Variants in SLC25A24 observed in about 807,000 individuals in gnomAD.
SLC25A24 encodes mitochondrial adenyl nucleotide antiporter SLC25A24.
In SLC25A24, 49 loss-of-function variants were observed where a neutral mutation model predicts 60.7. The observed-to-expected ratio is 0.81, with a 90% CI of 0.64 to 1.02. The LOEUF is 1.02. Among genes scored for constraint, SLC25A24 ranks in the 50% least tolerant of loss-of-function variants. SLC25A24 has a pLI of 0.00. For synonymous variants in SLC25A24, 202 were observed against 200.6 expected, an observed-to-expected ratio of 1.01 and a Z score of -0.06; for missense variants, 564 against 586.3, an observed-to-expected ratio of 0.96 and a Z score of 0.39.
rs143727260 is a variant in SLC25A24, at chr1:108,168,276, C to T, written c.399-6983G>A. On this transcript the variant is annotated intron_variant, in intron 3 of 9. Transcript: ENST00000565488. ...ATCTGCATGAGAGTCCTAGTCACTACTTACATTTATAATATAACTCTGGGT... is the reference window on the plus strand; with the variant it reads ...ATCTGCATGAGAGTCCTAGTCACTATTTACATTTATAATATAACTCTGGGT... 2.0e-5 allele frequency among the ~76,000 whole-genome samples: 3 copies of T among 152,258 alleles called. No individual in the cohort carries two copies. The East Asian group carries it at 5.8e-4, about 29-fold the overall frequency.
intron 8 of SLC25A24, among the ~76,000 whole-genome samples, chr1:108,143,046 G>A (rs908216282): frequency 7.2e-5 from 11 of 152,200 alleles, no homozygotes; most frequent in Admixed American, 3.3e-4. Flanking sequence ...TTTCTTCAAG[G>A]CACACATTGA....
intron 6 of SLC25A24, among the ~76,000 whole-genome samples, chr1:108,154,709 A>G (rs1203672479): frequency 6.6e-6 from 1 of 152,186 alleles, no homozygotes; most frequent in African/African-American, 2.4e-5. Flanking sequence ...AGGATTCAGA[A>G]TGAATAAACT....
intron 8 of SLC25A24, among the ~76,000 whole-genome samples, chr1:108,142,931 G>A (rs893787979): frequency 2.6e-4 from 40 of 151,768 alleles, no homozygotes; most frequent in Admixed American, 8.5e-4. Flanking sequence ...CTTCCTCTAC[G>A]CTGTAGCTTA....
At chr1:108,177,545 A>T (rs1369525367) in intron 3 of SLC25A24, among the ~76,000 whole-genome samples, 1 of 152,226 alleles carries the variant, frequency 6.6e-6, no homozygotes, top group African/African-American at 2.4e-5. Context: ...AAATACACAC[A>T]GACTGATGGT....
At chr1:108,189,814 CAA>C (rs34977169) in intron 1 of SLC25A24, among the ~76,000 whole-genome samples, 51 of 106,472 alleles carry the variant, frequency 4.8e-4, no homozygotes, top group South Asian at 1.7e-3. Context: ...GACTCCATCT[CAA>C]AAAAAAAAAA....
At chr1:108,174,508 G>A (rs1237116179) in intron 3 of SLC25A24, among the ~76,000 whole-genome samples, 1 of 152,208 alleles carries the variant, frequency 6.6e-6, no homozygotes, top group African/African-American at 2.4e-5. Context: ...CTCCGCTAGG[G>A]CAGTGCAAAA....
Position 108,200,231 on chromosome 1 carries a change from G to C in SLC25A24, c.-93C>G. 7.9e-7 allele frequency: 1 copy of C among 1,273,034 alleles called. No individual in the cohort carries two copies. The highest frequency in any genetic ancestry group is 1.0e-6 in the Non-Finnish European group (1 of 978,778). The allele number at this position is 1,273,034 out of a possible 1,614,324, so 78.9% of individuals were successfully genotyped here. On this transcript the variant is annotated 5_prime_UTR_variant, in exon 1 of 10. Coordinates refer to ENST00000565488, the MANE Select transcript of SLC25A24 (RefSeq NM_013386.5). The stretch of plus-strand genomic sequence containing the variant: ...GGACCAGCGCGAGGCCGGGCTGGGC[G>C]GGGCGCGCGGCGCAACAGCGTTTGG...
intron 2 of SLC25A24, among the ~76,000 whole-genome samples, chr1:108,185,064 A>G (rs1648068884): frequency 6.6e-6 from 1 of 152,168 alleles, no homozygotes; most frequent in East Asian, 1.9e-4. Context: ...GCTTTTTAAG[A>G]AGAGGAAGAG....
At chr1:108,142,405 G>C (rs995309588) in intron 8 of SLC25A24, among the ~76,000 whole-genome samples, 1 of 152,140 alleles carries the variant, frequency 6.6e-6, no homozygotes, top group East Asian at 1.9e-4. Context: ...AACAAAATGT[G>C]GTATATACAC....
intron 2 of SLC25A24, among the ~76,000 whole-genome samples, chr1:108,182,649 A>G (rs1261523813): frequency 6.6e-6 from 1 of 152,102 alleles, no homozygotes; most frequent in East Asian, 1.9e-4. Flanking sequence ...TGTGGCCAAC[A>G]TGGTGAAACC....
At chr1:108,137,408 G>A (rs989403547) in intron 9 of SLC25A24, among the ~76,000 whole-genome samples, 2 of 152,174 alleles carry the variant, frequency 1.3e-5, no homozygotes, top group Non-Finnish European at 2.9e-5. Flanking sequence ...AAGAGAAAGC[G>A]AAAACCAGTG....
At chr1:108,148,806 T>A (rs1219739928) in intron 6 of SLC25A24, among the ~76,000 whole-genome samples, 2 of 152,110 alleles carry the variant, frequency 1.3e-5, no homozygotes, top group Non-Finnish European at 2.9e-5. Flanking sequence ...AACTAGACAA[T>A]CCTAGAATAC....
chr1:108,164,459 A>C (rs1315546665), intron 3 of SLC25A24, among the ~76,000 whole-genome samples: 34 of 151,694 alleles, frequency 2.2e-4, no homozygotes, highest in African/African-American at 8.0e-4. Context: ...GATTATTGCC[A>C]CAATTTCAGA....
intron 1 of SLC25A24, among the ~76,000 whole-genome samples, chr1:108,197,552 T>TA (rs1648530446): frequency 1.3e-5 from 2 of 152,336 alleles, no homozygotes; most frequent in East Asian, 3.9e-4. Context: ...CCATAAAGGT[T>TA]GACTGTGTAA....
At chr1:108,175,549 G>T (rs900126735) in intron 3 of SLC25A24, among the ~76,000 whole-genome samples, 13 of 152,076 alleles carry the variant, frequency 8.5e-5, no homozygotes, top group Admixed American at 2.6e-4. Context: ...ATAAAAATTA[G>T]CCAGGCATTG....
At chr1:108,189,769 C>T (rs1648279689) in intron 1 of SLC25A24, among the ~76,000 whole-genome samples, 2 of 147,204 alleles carry the variant, frequency 1.4e-5, no homozygotes, top group East Asian at 4.0e-4. Flanking sequence ...TGAACCAAGA[C>T]TGCACCCCTG....
intron 1 of SLC25A24, chr1:108,199,573 A>G (rs1195847709): frequency 2.9e-6 from 1 of 350,460 alleles, no homozygotes; most frequent in Non-Finnish European, 5.1e-6. Flanking sequence ...GCGCCTTTAT[A>G]CAAAACTTGG....
intron 3 of SLC25A24, among the ~76,000 whole-genome samples, chr1:108,179,718 G>C (rs965017279): frequency 6.6e-6 from 1 of 152,176 alleles, no homozygotes; most frequent in Non-Finnish European, 1.5e-5. Flanking sequence ...GAATACTTTG[G>C]GAGTCGGGTA....
chr1:108,166,493 C>A (rs1180167657), intron 3 of SLC25A24, among the ~76,000 whole-genome samples: 15 of 152,010 alleles, frequency 9.9e-5, no homozygotes, highest in African/African-American at 2.4e-5. Flanking sequence ...TTGCTCGTTT[C>A]TTTTTATTCT....
Sources: allele counts gnomAD v4.1 joint callset (sites outside exome capture counted in the v4.1 genomes callset), GRCh38; gene constraint gnomAD v4.1.1; transcripts MANE v1.5; gene names NCBI Gene and HGNC (gene_info 2026-07-23, HGNC 2026-07-21).